The following ASPH variants were observed in gnomAD, a reference collection of about 807,000 sequenced individuals.
The protein encoded by ASPH is aspartyl/asparaginyl beta-hydroxylase.
ASPH carries 100 observed loss-of-function variants against 118.4 expected under a neutral mutation model. The observed-to-expected ratio is 0.84, with a 90% CI of 0.72 to 1.00. The LOEUF (loss-of-function observed/expected upper bound fraction) is 1.00, where lower values mean the gene tolerates loss of function less well. Ranked by LOEUF, ASPH falls within the 50% of genes least tolerant of loss-of-function variation. The pLI is 0.00. For missense variants in ASPH, 920 were observed against 919.5 expected (o/e 1.00, Z -0.01); for synonymous variants, 315 against 325.6 (o/e 0.97, Z 0.35).
chr8:61,658,600 A>G (rs1815037256), intron 3 of ASPH: 1 of 152,104 alleles, frequency 6.6e-6, no homozygotes, highest in African/African-American at 2.4e-5. Context: ...ACAAAACAGG[A>G]CCCCTAAGAA....
Position 61,590,626 on chromosome 8 carries a change from T to C in ASPH, c.977-6597A>G, listed in dbSNP as rs569808229. On this transcript the variant is annotated intron_variant, in intron 14 of 24. Coordinates refer to ENST00000379454, the MANE Select transcript of ASPH (RefSeq NM_004318.4). ...ACTAGCCCATCTGAAATGCTATACT[T>C]ATTCAAGGAAAATAATGTGCATCTT... Among the ~76,000 whole-genome samples the C allele has an allele frequency of 5.9e-5, 9 of 152,096 alleles. No individual in the cohort carries two copies. The East Asian group carries it at 1.2e-3, about 20-fold the overall frequency.
intron 17 of ASPH, among the ~76,000 whole-genome samples, chr8:61,564,129 T>C (rs1830843939): frequency 6.6e-6 from 1 of 152,154 alleles, no homozygotes; most frequent in Non-Finnish European, 1.5e-5. Context: ...AAAAAGTTCA[T>C]AATTTTGATG....
chr8:61,622,155 T>C (rs1218743018), intron 13 of ASPH, among the ~76,000 whole-genome samples: 1 of 152,046 alleles, frequency 6.6e-6, no homozygotes, highest in Non-Finnish European at 1.5e-5. Flanking sequence ...CTGGCCAACA[T>C]GGTGAAACCC....
chr8:61,514,844 G>A (rs1810278624), intron 24 of ASPH, among the ~76,000 whole-genome samples: 1 of 152,004 alleles, frequency 6.6e-6, no homozygotes, highest in Non-Finnish European at 1.5e-5. Flanking sequence ...GGGATTATAG[G>A]CATGAACCAC....
intron 3 of ASPH, among the ~76,000 whole-genome samples, chr8:61,669,919 A>C (rs1821559749): frequency 6.6e-6 from 1 of 152,228 alleles, no homozygotes; most frequent in South Asian, 2.1e-4. Flanking sequence ...ATATAAAAAT[A>C]AACAGTGCTG....
At chr8:61,649,539 G>A (rs1023835056) in intron 5 of ASPH, among the ~76,000 whole-genome samples, 2 of 152,100 alleles carry the variant, frequency 1.3e-5, no homozygotes, top group Non-Finnish European at 2.9e-5. Context: ...TTATAACCAT[G>A]GGCCATAAAT....
intron 22 of ASPH, among the ~76,000 whole-genome samples, chr8:61,519,460 T>C (rs1812152281): frequency 6.6e-6 from 1 of 152,208 alleles, no homozygotes; most frequent in Non-Finnish European, 1.5e-5. Flanking sequence ...AAAGGCCAAC[T>C]GTACTTATTT....
chr8:61,577,196 G>A (rs1835467541), intron 15 of ASPH, among the ~76,000 whole-genome samples: 2 of 151,844 alleles, frequency 1.3e-5, no homozygotes, highest in Admixed American at 1.3e-4. Context: ...GGATGGAGGA[G>A]GGCTAGCATT....
At chr8:61,621,920 G>A (rs139098786) in intron 13 of ASPH, among the ~76,000 whole-genome samples, 7 of 152,264 alleles carry the variant, frequency 4.6e-5, no homozygotes, top group Admixed American at 4.6e-4. Context: ...CTCTTTACCT[G>A]TCTTAACGTT....
intron 14 of ASPH, among the ~76,000 whole-genome samples, chr8:61,598,504 T>C (rs570648387): frequency 6.6e-6 from 1 of 152,296 alleles, no homozygotes; most frequent in African/African-American, 2.4e-5. Context: ...AATATTATTA[T>C]CTCTAAAGGA....
chr8:61,540,991 G>A (rs956324394), intron 21 of ASPH, among the ~76,000 whole-genome samples: 10 of 152,060 alleles, frequency 6.6e-5, no homozygotes, highest in African/African-American at 2.2e-4. Flanking sequence ...CGGGCACGGT[G>A]GCTCACACCT....
intron 15 of ASPH, chr8:61,583,616 ATATT>A: frequency 5.1e-6 from 1 of 195,044 alleles, no homozygotes; most frequent in Non-Finnish European, 1.0e-5. Flanking sequence ...GGTAGAAAGA[ATATT>A]TATCATTATC....
intron 13 of ASPH, chr8:61,623,844 A>G (rs1851805040): frequency 2.0e-5 from 3 of 152,236 alleles, no homozygotes; most frequent in African/African-American, 4.8e-5. Flanking sequence ...ATAAAAAAGA[A>G]TAAGATCCTG....
rs1243656813 is a variant in ASPH, at chr8:61,684,310, T to G, written c.104-122A>C. 4.6e-6 allele frequency: 5 copies of G among 1,078,822 alleles called. No homozygotes were observed. The African/African-American group carries it at 6.4e-5, about 14-fold the overall frequency. The allele number at this position is 1,078,822 out of a possible 1,614,324, so 66.8% of individuals were successfully genotyped here. On this transcript the variant is annotated intron_variant, in intron 1 of 24. Coordinates refer to ENST00000379454, the MANE Select transcript of ASPH (RefSeq NM_004318.4). ...ATGATAGATCATTTCAAAAACAGTT[T>G]CCAGTTAAATTCTCAAAACACGTCA...
intron 15 of ASPH, chr8:61,578,577 G>C: frequency 6.6e-7 from 1 of 1,520,230 alleles, no homozygotes; most frequent in Non-Finnish European, 9.1e-7. Context: ...CAAGATGCTG[G>C]AGACCAAGTG....
At chr8:61,597,888 A>G (rs1324082385) in intron 14 of ASPH, among the ~76,000 whole-genome samples, 1 of 152,234 alleles carries the variant, frequency 6.6e-6, no homozygotes, top group African/African-American at 2.4e-5. Context: ...AGAGGGTCCT[A>G]TATCTGGAAG....
intron 18 of ASPH, among the ~76,000 whole-genome samples, chr8:61,560,836 T>G (rs1020953827): frequency 4.0e-5 from 6 of 151,892 alleles, no homozygotes; most frequent in Non-Finnish European, 8.8e-5. Flanking sequence ...CACAGTGTAT[T>G]AGAGAAACCA....
intron 1 of ASPH, among the ~76,000 whole-genome samples, chr8:61,705,111 G>A (rs1403667257): frequency 6.6e-6 from 1 of 152,190 alleles, no homozygotes; most frequent in African/African-American, 2.4e-5. Context: ...CACGAATGGA[G>A]CTGGAGGCCA....
intron 24 of ASPH, among the ~76,000 whole-genome samples, chr8:61,507,283 T>A (rs1806987195): frequency 6.6e-6 from 1 of 152,210 alleles, no homozygotes; most frequent in African/African-American, 2.4e-5. Context: ...TGTAAACCAT[T>A]AATTAACCAA....
Sources: gnomAD v4.1 joint callset for allele counts (sites outside exome capture counted in the v4.1 genomes callset) on GRCh38, gnomAD v4.1.1 for gene constraint, MANE v1.5 for transcripts, NCBI Gene and HGNC (gene_info 2026-07-23, HGNC 2026-07-21) for gene names.